The following FYCO1 variants were observed in gnomAD, a reference collection of about 807,000 sequenced individuals.
The protein encoded by FYCO1 is FYVE and coiled-coil domain autophagy adaptor 1, also known as FYVE and coiled-coil domain-containing protein 1.
A neutral mutation model predicts 165.1 loss-of-function variants in FYCO1; 122 were observed. The observed-to-expected ratio is 0.74, with a 90% CI of 0.64 to 0.86. FYCO1 has a LOEUF of 0.86. Ranked by LOEUF, FYCO1 falls within the 40% of genes least tolerant of loss-of-function variation. FYCO1 has a pLI of 0.00. For synonymous variants in FYCO1, 648 were observed against 742.5 expected (o/e 0.87, Z 2.07); for missense variants, 1,702 against 1,810.3 (o/e 0.94, Z 1.09).
chr3:45,969,059 T>C (rs1239737830), intron 7 of FYCO1, among the ~76,000 whole-genome samples: 1 of 152,264 alleles, frequency 6.6e-6, no homozygotes, highest in Non-Finnish European at 1.5e-5. Context: ...CTGCAACTCC[T>C]GGCATGATTA....
chr3:45,971,612 T>TGAGG lies in FYCO1; in HGVS notation c.539+1475_539+1476insCCTC, dbSNP rs1575376075. 3.9e-5 allele frequency among the ~76,000 whole-genome samples: 6 copies of TGAGG among 152,266 alleles called. No homozygotes were observed. The East Asian group carries it at 1.2e-3, about 29-fold the overall frequency. On this transcript the variant is annotated intron_variant, in intron 6 of 17. Coordinates refer to ENST00000296137, the MANE Select transcript of FYCO1 (RefSeq NM_024513.4). ...GTATTCCTGCCAAAAACACTTAACC[T>TGAGG]AAATCCAATAATGAGGAAACATCAG...
At chr3:45,954,194 C>G (rs1420379862) in intron 14 of FYCO1, among the ~76,000 whole-genome samples, 1 of 151,942 alleles carries the variant, frequency 6.6e-6, no homozygotes, top group Non-Finnish European at 1.5e-5. Context: ...CATAAACTTT[C>G]TTGAAACGTT....
At chr3:45,992,735 G>A (rs1008363214) in intron 1 of FYCO1, among the ~76,000 whole-genome samples, 9 of 152,254 alleles carry the variant, frequency 5.9e-5, no homozygotes, top group African/African-American at 2.2e-4. Flanking sequence ...AGTGGCTGAG[G>A]CTTCTAAGTG....
At chr3:45,979,966 A>T in intron 3 of FYCO1, 136 bp from the exon 4 acceptor site, 1 of 1,105,532 alleles carries the variant, frequency 9.0e-7, no homozygotes, top group Non-Finnish European at 1.3e-6. Flanking sequence ...ATTTTTATTT[A>T]TTGGCAAATC....
chr3:45,930,978 G>T, intron 16 of FYCO1, 93 bp downstream of exon 16: 2 of 1,153,654 alleles, frequency 1.7e-6, no homozygotes, highest in South Asian at 1.3e-5. Flanking sequence ...GCCCAGCAGA[G>T]GATAGGATGG....
chr3:45,990,825 G>T (rs554624277), intron 1 of FYCO1, among the ~76,000 whole-genome samples: 2 of 152,180 alleles, frequency 1.3e-5, no homozygotes, highest in Non-Finnish European at 2.9e-5. Flanking sequence ...AGGCTGGAGT[G>T]CAGTGGCGCG....
intron 1 of FYCO1, among the ~76,000 whole-genome samples, chr3:45,990,899 A>G (rs1313715737): frequency 6.6e-6 from 1 of 152,014 alleles, no homozygotes; most frequent in African/African-American, 2.4e-5. Flanking sequence ...CAGCCTCGTG[A>G]GTAGCTGGGG....
intron 16 of FYCO1, 121 bp downstream of exon 16, chr3:45,930,950 A>G: frequency 1.1e-6 from 1 of 918,574 alleles, no homozygotes; most frequent in East Asian, 2.6e-5. Flanking sequence ...ACTGCCCAGA[A>G]CATTCCAAGT....
chr3:45,959,373 C>G lies in FYCO1; in HGVS notation c.3587+20G>C. The G allele has an allele frequency of 1.2e-6, 2 of 1,613,660 alleles. No homozygotes were observed. The highest frequency in any genetic ancestry group is 1.7e-6 in the Non-Finnish European group (2 of 1,179,948). ...GGCCCCACCAGGGTGTTGGTGCCAA[C>G]CCACGAGCTCCCTGCTGACCTGCAG... is the stretch of plus-strand genomic sequence containing the variant. On this transcript the variant is annotated intron_variant, in intron 12 of 17. Coordinates refer to ENST00000296137, the MANE Select transcript of FYCO1 (RefSeq NM_024513.4).
chr3:45,959,284 T>C (rs956523239), intron 12 of FYCO1, 109 bp downstream of exon 12: 1 of 1,214,274 alleles, frequency 8.2e-7, no homozygotes, highest in Non-Finnish European at 1.2e-6. Context: ...TCTTCCTAAA[T>C]AGTCAGCCAT....
chr3:45,927,075 C>T (rs1703355892), intron 16 of FYCO1, among the ~76,000 whole-genome samples: 1 of 152,222 alleles, frequency 6.6e-6, no homozygotes, highest in African/African-American at 2.4e-5. Context: ...GCTTGTCCAA[C>T]CCGCGGCCCA....
Position 45,931,812 on chromosome 3 carries a change from A to G in FYCO1, c.4041-531T>C, listed in dbSNP as rs540969813. Reference sequence around the variant, plus strand: ...GTCCATTGTAAGATTCCACATGGACACCCTGACCTTTCCTCAAATGCCAAC... The same window carrying G: ...GTCCATTGTAAGATTCCACATGGACGCCCTGACCTTTCCTCAAATGCCAAC... On this transcript the variant is annotated intron_variant, in intron 15 of 17. Coordinates refer to ENST00000296137, the MANE Select transcript of FYCO1 (RefSeq NM_024513.4). Among the ~76,000 whole-genome samples, 6 of 152,324 alleles carry G rather than the reference A, an allele frequency of 3.9e-5. No individual in the cohort carries two copies. In the East Asian group the frequency reaches 9.6e-4, roughly 24 times the overall value.
chr3:45,970,085 C>A (rs975923792), intron 6 of FYCO1, among the ~76,000 whole-genome samples: 2 of 152,212 alleles, frequency 1.3e-5, no homozygotes, highest in Admixed American at 6.5e-5. Flanking sequence ...CAGTGAGGAA[C>A]AAGCAGCAGT....
Position 45,979,787 on chromosome 3 carries a change from T to G in FYCO1, c.206A>C (p.Asp69Ala), listed in dbSNP as rs1010628161. The stretch of plus-strand genomic sequence containing the variant: ...GCAGGCACAGAAGTAATCCCAGTAG[T>G]CCTTCTTGTTGCCCAGGAGGGTGGC... ...EKATLLGNKK[D>A]YWDYFCACLA... The change falls in exon 4 of 18, where the codon GAC becomes GCC. Residue 69 changes from aspartate to alanine, a missense_variant. Coordinates refer to ENST00000296137, the MANE Select transcript of FYCO1 (RefSeq NM_024513.4). The G allele has an allele frequency of 5.6e-6, 9 of 1,613,940 alleles. No individual in the cohort carries two copies. The African/African-American group carries it at 6.7e-5, about 12-fold the overall frequency.
In FYCO1 at chr3:45,967,425, C is replaced by T. The variant is rs775608159; in HGVS notation, c.1909G>A (p.Gly637Ser). 1.7e-5 allele frequency: 27 copies of T among 1,613,286 alleles called. 1 individual carries two copies. The East Asian group carries it at 5.8e-4, about 35-fold the overall frequency. The change falls in exon 8 of 18, where the codon GGC becomes AGC. Residue 637 changes from glycine to serine, a missense_variant. Transcript: ENST00000296137. ...NVVGRNQLLE[G>S]KLQALQADYQ... ...TCGGCCTGCAGGGCTTGCAGCTTGC[C>T]CTCCAGGAGCTGGTTACGCCCGACC...
At chr3:45,925,065 G>A (rs961745286) in intron 16 of FYCO1, among the ~76,000 whole-genome samples, 5 of 152,024 alleles carry the variant, frequency 3.3e-5, no homozygotes, top group East Asian at 1.9e-4. Flanking sequence ...GAGTAGCTAG[G>A]ATTACAGGTG....
rs374510137 is a variant in FYCO1 at position 45,975,469 on chromosome 3, T to TACGTTGTCCTTC, written c.289-136_289-125dup. ...AAAAATGTCACCCAATTTTACCCTA[T>TACGTTGTCCTTC]ACGTTGTCCTTCAAAGGACACAACA... On this transcript the variant is annotated intron_variant, in intron 4 of 17. Coordinates refer to ENST00000296137, the MANE Select transcript of FYCO1 (RefSeq NM_024513.4). 4.2e-6 allele frequency: 3 copies of TACGTTGTCCTTC among 722,034 alleles called. No homozygotes were observed. The African/African-American group carries it at 5.2e-5, about 13-fold the overall frequency. 44.7% of individuals were successfully genotyped at this position (722,034 alleles called of 1,614,324 possible).
rs929654883 is a variant in FYCO1 at position 45,962,816 on chromosome 3, G to T, written c.3270-424C>A. Among the ~76,000 whole-genome samples, 1 of 152,124 alleles carries T rather than the reference G, an allele frequency of 6.6e-6. No individual in the cohort carries two copies. Among genetic ancestry groups the T allele is most frequent in the Non-Finnish European group, 1.5e-5 (1 of 68,018 alleles). Reference sequence around the variant, plus strand: ...ACAGAGGAGGGCCTGTCTTCCACACGTCCTTGGGACTCTACACATGGGGCA... The same window carrying T: ...ACAGAGGAGGGCCTGTCTTCCACACTTCCTTGGGACTCTACACATGGGGCA... On this transcript the variant is annotated intron_variant, in intron 10 of 17. Transcript: ENST00000296137. This position sits in a 1 kb window ranked among gnomAD's most constrained non-coding sequence, Gnocchi z 4.4.
chr3:45,966,846 G>A lies in FYCO1; in HGVS notation c.2488C>T (p.Leu830=), dbSNP rs780792389. 1.9e-6 allele frequency: 3 copies of A among 1,611,968 alleles called. No individual in the cohort carries two copies. In the South Asian group the frequency reaches 3.3e-5, roughly 18 times the overall value. Residue 830 remains leucine, a synonymous_variant, in exon 8 of 18, where the codon CTG becomes TTG. Coordinates refer to ENST00000296137, the MANE Select transcript of FYCO1 (RefSeq NM_024513.4). ...TTAAGGGCTTCATTCTGCTCCTTCAGCTGCTGCACAAGGGTTTTGTGCTCC... is the reference window on the plus strand; with the variant it reads ...TTAAGGGCTTCATTCTGCTCCTTCAACTGCTGCACAAGGGTTTTGTGCTCC... ...LREHKTLVQQ[L]KEQNEALNRA...
Sources: allele counts gnomAD v4.1 joint callset (sites outside exome capture counted in the v4.1 genomes callset), GRCh38; gene constraint gnomAD v4.1.1; non-coding constraint Gnocchi (gnomAD v3.1); transcripts MANE v1.5; gene names NCBI Gene and HGNC (gene_info 2026-07-23, HGNC 2026-07-21).